The following ZNF892 variants were observed in gnomAD, a reference collection of about 807,000 sequenced individuals.
ZNF892 encodes the protein zinc finger protein 570-like.
At chr2:95,247,994 T>C in the ZNF892 span, among the ~76,000 whole-genome samples, 1 of 152,126 alleles carries the variant, frequency 6.6e-6, no homozygotes, top group Admixed American at 6.6e-5. Context: ...TGAGTGTATA[T>C]CCAGAAGAAA....
chr2:95,222,785 G>A, the ZNF892 span, among the ~76,000 whole-genome samples: 2 of 152,102 alleles, frequency 1.3e-5, no homozygotes, highest in African/African-American at 4.8e-5. Context: ...ATGAAGTCCA[G>A]TTTTTCCCTC....
chr2:95,226,464 C>G, the ZNF892 span, among the ~76,000 whole-genome samples: 7 of 152,146 alleles, frequency 4.6e-5, no homozygotes, highest in Admixed American at 2.6e-4. Context: ...TTATTTTTCT[C>G]TCATCTCTTT....
the ZNF892 span, among the ~76,000 whole-genome samples, chr2:95,244,582 C>G: frequency 7.9e-4 from 121 of 152,266 alleles, 2 homozygotes; most frequent in Middle Eastern, 3.4e-3. Context: ...GACTCCCACA[C>G]AATAATAGTG....
At chr2:95,243,479 G>A in the ZNF892 span, among the ~76,000 whole-genome samples, 2 of 151,740 alleles carry the variant, frequency 1.3e-5, no homozygotes, top group East Asian at 3.9e-4. Flanking sequence ...CGTCTGAGAT[G>A]TGGGGAGCGC....
chr2:95,261,998 G>C, the ZNF892 span, among the ~76,000 whole-genome samples: 1 of 152,226 alleles, frequency 6.6e-6, no homozygotes, highest in South Asian at 2.1e-4. Context: ...AGTAAAACAA[G>C]AATGAAAGGG....
At chr2:95,229,138 A>G in the ZNF892 span, among the ~76,000 whole-genome samples, 1 of 152,170 alleles carries the variant, frequency 6.6e-6, no homozygotes, top group Non-Finnish European at 1.5e-5. Context: ...CACCTTGGGC[A>G]TGTGTCGTCA....
At chr2:95,245,511 C>T in the ZNF892 span, among the ~76,000 whole-genome samples, 8 of 146,522 alleles carry the variant, frequency 5.5e-5, no homozygotes, top group South Asian at 4.3e-4. Flanking sequence ...CCTCGTGATC[C>T]GCCCACCTCG....
chr2:95,246,698 A>G, the ZNF892 span, among the ~76,000 whole-genome samples: 1 of 152,214 alleles, frequency 6.6e-6, no homozygotes, highest in African/African-American at 2.4e-5. Context: ...TATCTCTAGC[A>G]TTCATATACA....
the ZNF892 span, among the ~76,000 whole-genome samples, chr2:95,228,519 T>A: frequency 6.6e-6 from 1 of 152,088 alleles, no homozygotes; most frequent in Non-Finnish European, 1.5e-5. Context: ...GTTCACATGT[T>A]GTCCAAATTC....
the ZNF892 span, chr2:95,207,887 G>T: frequency 2.5e-6 from 1 of 398,718 alleles, no homozygotes; most frequent in East Asian, 3.6e-5. Flanking sequence ...GGGAGAAAGG[G>T]AGAAAGGCTA....
chr2:95,207,642 C>T, the ZNF892 span: 1 of 394,424 alleles, frequency 2.5e-6, no homozygotes, highest in Non-Finnish European at 4.5e-6. Context: ...GAGGGCTGAA[C>T]GCATCCCCTT....
At chr2:95,229,510 C>G in the ZNF892 span, among the ~76,000 whole-genome samples, 3 of 152,130 alleles carry the variant, frequency 2.0e-5, no homozygotes, top group Non-Finnish European at 4.4e-5. Flanking sequence ...TGGTTTCTAT[C>G]TCCTCTACTA....
At chr2:95,242,996 C>T in the ZNF892 span, among the ~76,000 whole-genome samples, 54 of 152,198 alleles carry the variant, frequency 3.5e-4, 1 homozygote, top group African/African-American at 6.8e-4. Context: ...ATTGCAGGCG[C>T]GCGCCGCCAC....
chr2:95,233,435 A>G, the ZNF892 span, among the ~76,000 whole-genome samples: 1 of 151,178 alleles, frequency 6.6e-6, no homozygotes, highest in East Asian at 2.0e-4. Context: ...GCACTTTGGG[A>G]GGCCGAGGCG....
chr2:95,241,259 C>G, the ZNF892 span, among the ~76,000 whole-genome samples: 3 of 152,334 alleles, frequency 2.0e-5, no homozygotes, highest in East Asian at 1.9e-4. Flanking sequence ...GTCAGCACCC[C>G]CCTGGGATGG....
chr2:95,246,463 T>C, the ZNF892 span, among the ~76,000 whole-genome samples: 294 of 152,274 alleles, frequency 1.9e-3, 10 homozygotes, highest in East Asian at 0.055. Flanking sequence ...AAAACAAGGA[T>C]GCTCTCTCTC....
the ZNF892 span, among the ~76,000 whole-genome samples, chr2:95,222,770 T>A: frequency 6.6e-6 from 1 of 152,230 alleles, no homozygotes; most frequent in Non-Finnish European, 1.5e-5. Context: ...AGGTTTTAAA[T>A]GTTAATGAAG....
At chr2:95,258,690 G>C in the ZNF892 span, among the ~76,000 whole-genome samples, 2 of 152,144 alleles carry the variant, frequency 1.3e-5, no homozygotes, top group Non-Finnish European at 2.9e-5. Flanking sequence ...AGGCACAACA[G>C]ACACAATGCC....
chr2:95,216,411 T>C, the ZNF892 span, among the ~76,000 whole-genome samples: 1 of 152,220 alleles, frequency 6.6e-6, no homozygotes, highest in Admixed American at 6.5e-5. Flanking sequence ...TCAAACTGTT[T>C]TAAGTTATCT....
Sources: gnomAD v4.1 joint callset for allele counts (sites outside exome capture counted in the v4.1 genomes callset) on GRCh38, gnomAD v4.1.1 for gene constraint, MANE v1.5 for transcripts, NCBI Gene and HGNC (gene_info 2026-07-23, HGNC 2026-07-21) for gene names.